The following LRP1B variants were observed in gnomAD, a reference collection of about 807,000 sequenced individuals.
The protein encoded by LRP1B is low-density lipoprotein receptor-related protein 1B.
Under a neutral mutation model 556.6 loss-of-function variants are expected in LRP1B, and 217 were observed. The observed-to-expected ratio is 0.39, with a 90% CI of 0.35 to 0.44. The LOEUF is 0.44. Among genes scored for constraint, LRP1B ranks in the 20% least tolerant of loss-of-function variants. The probability of loss-of-function intolerance (pLI) is 1.00; values close to 1 mark genes in which losing one functional copy is unlikely to be tolerated. For missense variants in LRP1B, 5,053 were observed against 5,620.8 expected (o/e 0.90, Z 3.23); for synonymous variants, 2,047 against 1,865.8 (o/e 1.10, Z -2.50).
chr2:140,682,691 T>TGTGTG (rs1685902313), intron 41 of LRP1B, among the ~76,000 whole-genome samples: 1 of 151,488 alleles, frequency 6.6e-6, no homozygotes, highest in Non-Finnish European at 1.5e-5. Flanking sequence ...TGTGTGTGTG[T>TGTGTG]GTGTGTGCGT....
chr2:141,471,906 G>A (rs1184200288), intron 3 of LRP1B, among the ~76,000 whole-genome samples: 1 of 152,152 alleles, frequency 6.6e-6, no homozygotes, highest in East Asian at 1.9e-4. Context: ...AGATGAGAAA[G>A]ATGAAGGAAA....
At chr2:142,010,576 A>G (rs1021637603) in intron 1 of LRP1B, among the ~76,000 whole-genome samples, 66 of 150,780 alleles carry the variant, frequency 4.4e-4, no homozygotes, top group Middle Eastern at 3.4e-3. Flanking sequence ...AAAAAAAAAA[A>G]AAAGAAAGAA....
At chr2:141,065,315 A>G (rs554969217) in intron 7 of LRP1B, among the ~76,000 whole-genome samples, 3 of 151,962 alleles carry the variant, frequency 2.0e-5, no homozygotes, top group Admixed American at 6.6e-5. Flanking sequence ...ATTCTCTTGC[A>G]TAACCACAGT....
intron 27 of LRP1B, among the ~76,000 whole-genome samples, chr2:140,857,231 G>A (rs1692646277): frequency 6.6e-6 from 1 of 152,088 alleles, no homozygotes; most frequent in African/African-American, 2.4e-5. Context: ...CATGCTCAAA[G>A]CAGAATGCCA....
chr2:140,421,250 G>A (rs1481679109), intron 66 of LRP1B, among the ~76,000 whole-genome samples: 1 of 152,062 alleles, frequency 6.6e-6, no homozygotes, highest in East Asian at 1.9e-4. Context: ...GCAAGATTCT[G>A]TCTCAAAAAA....
intron 35 of LRP1B, among the ~76,000 whole-genome samples, chr2:140,728,736 A>C (rs1687677076): frequency 6.6e-6 from 1 of 152,140 alleles, no homozygotes; most frequent in Non-Finnish European, 1.5e-5. Flanking sequence ...GGTTTAATGA[A>C]TAGAGGGATG....
chr2:141,718,481 C>T (rs1414492398), intron 2 of LRP1B, among the ~76,000 whole-genome samples: 1 of 152,110 alleles, frequency 6.6e-6, no homozygotes, highest in Admixed American at 6.6e-5. Flanking sequence ...CTAGGAATGA[C>T]CCTACATGCC....
intron 77 of LRP1B, among the ~76,000 whole-genome samples, chr2:140,342,604 AAT>A (rs1174079956): frequency 2.0e-5 from 3 of 151,628 alleles, no homozygotes; most frequent in Admixed American, 6.6e-5. Flanking sequence ...ACATTTTTAA[AAT>A]ATGTTAATGG....
At chr2:141,288,110 A>G (rs1685790659) in intron 3 of LRP1B, among the ~76,000 whole-genome samples, 1 of 152,076 alleles carries the variant, frequency 6.6e-6, no homozygotes, top group Non-Finnish European at 1.5e-5. Flanking sequence ...TGTCTATCTT[A>G]TATTTGCCAG....
chr2:141,055,215 C>T lies in LRP1B; in HGVS notation c.1453G>A (p.Gly485Ser), dbSNP rs767934473. ...CTGAGTAGACAGATGTGTGAACAGC[C>T]CCCTGGCATTCCATATGGATCGACT... is the stretch of plus-strand genomic sequence containing the variant. ...CEVDPYGMPG[G>S]CSHICLLSSS... is the part of the protein sequence containing the mutation. The change falls in exon 10 of 91, where the codon GGC becomes AGC. Residue 485 changes from glycine to serine, a missense_variant. Coordinates refer to ENST00000389484, the MANE Select transcript of LRP1B (RefSeq NM_018557.3). The T allele has an allele frequency of 6.2e-7, 1 of 1,611,686 alleles. No individual in the cohort carries two copies. Among genetic ancestry groups the T allele is most frequent in the South Asian group, 1.1e-5 (1 of 90,908 alleles).
At position 141,877,917 on chromosome 2, in the gene LRP1B, T is replaced by C. The variant is rs1457839275; in HGVS notation, c.83-67516A>G. Among the ~76,000 whole-genome samples the C allele has an allele frequency of 3.3e-5, 5 of 151,954 alleles. No homozygotes were observed. In the South Asian group the frequency reaches 1.0e-3, roughly 31 times the overall value. ...TAAAGCTGAATTCGTGCACCTGGGC[T>C]TATAGTACAATTTATTTAGAGACAC... On this transcript the variant is annotated intron_variant, in intron 1 of 90. Coordinates refer to ENST00000389484, the MANE Select transcript of LRP1B (RefSeq NM_018557.3).
chr2:140,824,440 T>G (rs988304123), intron 31 of LRP1B, among the ~76,000 whole-genome samples: 15 of 152,198 alleles, frequency 9.9e-5, no homozygotes, highest in Admixed American at 6.5e-4. Context: ...CTATATTTAT[T>G]TTTGCCTGTT....
intron 7 of LRP1B, among the ~76,000 whole-genome samples, chr2:141,132,648 ATAGT>A (rs1364229836): frequency 6.6e-6 from 1 of 152,024 alleles, no homozygotes; most frequent in East Asian, 1.9e-4. Flanking sequence ...CCAGTATATA[ATAGT>A]TAAACAACTA....
intron 11 of LRP1B, among the ~76,000 whole-genome samples, chr2:141,027,553 A>G (rs1256613525): frequency 1.3e-5 from 2 of 152,168 alleles, no homozygotes; most frequent in African/African-American, 4.8e-5. Flanking sequence ...GAGAAGGACA[A>G]GACATAACTA....
intron 66 of LRP1B, among the ~76,000 whole-genome samples, chr2:140,427,527 C>T (rs1685714152): frequency 6.6e-6 from 1 of 152,162 alleles, no homozygotes; most frequent in Non-Finnish European, 1.5e-5. Context: ...TCAATACAAA[C>T]TCGACAGTAG....
chr2:142,008,842 ATTATT>A (rs1385304991), intron 1 of LRP1B, among the ~76,000 whole-genome samples: 5 of 152,060 alleles, frequency 3.3e-5, no homozygotes, highest in Admixed American at 6.5e-5. Context: ...TATTTCATAT[ATTATT>A]TTATTTATAT....
intron 2 of LRP1B, among the ~76,000 whole-genome samples, chr2:141,550,910 G>T (rs1441337907): frequency 6.6e-6 from 1 of 151,904 alleles, no homozygotes; most frequent in African/African-American, 2.4e-5. Flanking sequence ...TATCTTCTTG[G>T]AATGTAATTT....
intron 1 of LRP1B, among the ~76,000 whole-genome samples, chr2:142,123,256 A>C (rs1429320406): frequency 1.3e-5 from 2 of 152,052 alleles, no homozygotes; most frequent in Non-Finnish European, 2.9e-5. Flanking sequence ...TTAAGAAGAA[A>C]GGGCTAAGAT....
chr2:140,951,854 A>G lies in LRP1B; in HGVS notation c.2968+6T>C. 6.2e-7 allele frequency: 1 copy of G among 1,610,572 alleles called. No individual in the cohort carries two copies. The highest frequency in any genetic ancestry group is 8.5e-7 in the Non-Finnish European group (1 of 1,176,818). On this transcript the variant is annotated splice_donor_region_variant and intron_variant, in intron 19 of 90. Transcript: ENST00000389484. ...TAGTGCTATACAGTGAGCATTTGGT[A>G]CTTGCCAGAGTCGCAGTGCCATTTG... is the stretch of plus-strand genomic sequence containing the variant.
Sources: gnomAD v4.1 joint callset for allele counts (sites outside exome capture counted in the v4.1 genomes callset) on GRCh38, gnomAD v4.1.1 for gene constraint, MANE v1.5 for transcripts, NCBI Gene and HGNC (gene_info 2026-07-23, HGNC 2026-07-21) for gene names.